ITPKC: variants seen among roughly 807,000 people sequenced by gnomAD.
ITPKC encodes IP3 3-kinase C.
In ITPKC, 33 loss-of-function variants were observed where a neutral mutation model predicts 67.1. That is an observed-to-expected ratio of 0.49 (90% CI 0.37 to 0.66). The LOEUF (loss-of-function observed/expected upper bound fraction) is 0.66. ITPKC is among the 30% of genes least tolerant of loss of function. The probability of loss-of-function intolerance (pLI) is 0.00; values close to 1 mark genes in which losing one functional copy is unlikely to be tolerated. For missense variants in ITPKC, 820 were observed against 892.1 expected (o/e 0.92, Z 1.03); for synonymous variants, 341 against 359.8 (o/e 0.95, Z 0.59).
chr19:40,719,053 G>GGAGAGCCTCACGTGGGGCTCC (rs1312160298), intron 1 of ITPKC, among the ~76,000 whole-genome samples: 1 of 152,196 alleles, frequency 6.6e-6, no homozygotes, highest in African/African-American at 2.4e-5. Flanking sequence ...GTGTGAAACT[G>GGAGAGCCTCACGTGGGGCTCC]GAGAGCCTCA....
In ITPKC at chr19:40,737,729, G is replaced by A. The variant is rs143402835; in HGVS notation, c.1808G>A (p.Arg603His). ...TACGTGGCATGCCTAGAAGAACTTC[G>A]TGAAGCTCTGGAGATCTCCCCCTTC... ...QKYVACLEEL[R>H]EALEISPFFK... Residue 603 changes from arginine to histidine, a missense_variant, in exon 6 of 7, where the codon CGT becomes CAT. Arg to His is a conservative substitution (Grantham distance 29). Coordinates refer to ENST00000263370, the MANE Select transcript of ITPKC (RefSeq NM_025194.3). The A allele has an allele frequency of 2.7e-5, 43 of 1,614,028 alleles. No individual in the cohort carries two copies. In the Admixed American group the frequency reaches 4.5e-4, roughly 17 times the overall value.
At chr19:40,732,258 A>AG (rs1322570157) in intron 3 of ITPKC, among the ~76,000 whole-genome samples, 20 of 146,954 alleles carry the variant, frequency 1.4e-4, no homozygotes, top group Non-Finnish European at 2.7e-4. Flanking sequence ...AAAAAAAAAA[A>AG]GGCTGGGCGT....
rs186102180 is a variant in ITPKC, at chr19:40,739,446, C to T, written c.1938C>T (p.Pro646=). ...ACTTCGGCAAGACGGTGGCCTTGCCCGACCACCAGACGCTCAGCCACAGGC... is the reference window on the plus strand; with the variant it reads ...ACTTCGGCAAGACGGTGGCCTTGCCTGACCACCAGACGCTCAGCCACAGGC... ...MIDFGKTVAL[P]DHQTLSHRLP... is the part of the protein sequence containing the mutation. Residue 646 remains proline (P), a synonymous_variant, in exon 7 of 7, where the codon CCC becomes CCT. Coordinates refer to ENST00000263370, the MANE Select transcript of ITPKC (RefSeq NM_025194.3). 8.3e-5 allele frequency: 134 copies of T among 1,613,498 alleles called. 1 individual carries two copies. The highest frequency in any genetic ancestry group is 7.3e-4 in the African/African-American group (55 of 75,056).
chr19:40,731,364 A>G (rs2082269891), intron 3 of ITPKC, among the ~76,000 whole-genome samples: 1 of 152,242 alleles, frequency 6.6e-6, no homozygotes, highest in South Asian at 2.1e-4. Flanking sequence ...GACCTGAGGT[A>G]GAAGAGTTTC....
intron 5 of ITPKC, among the ~76,000 whole-genome samples, 179 bp from the exon 6 acceptor site, chr19:40,737,519 A>G (rs1178212407): frequency 6.6e-6 from 1 of 152,176 alleles, no homozygotes; most frequent in East Asian, 1.9e-4. Context: ...ACTCTTCTCC[A>G]TGCCACCTTG....
intron 4 of ITPKC, among the ~76,000 whole-genome samples, chr19:40,735,874 C>T (rs946303034): frequency 1.3e-5 from 2 of 152,190 alleles, no homozygotes; most frequent in African/African-American, 4.8e-5. Context: ...GTGCATCCTA[C>T]ACACCTGGTT....
chr19:40,730,498 T>A (rs2144746284), intron 3 of ITPKC, among the ~76,000 whole-genome samples: 1 of 152,318 alleles, frequency 6.6e-6, no homozygotes, highest in Middle Eastern at 3.4e-3. Flanking sequence ...GGAGCATGAT[T>A]ATAGCTCACA....
At chr19:40,720,056 C>A (rs1385424500) in intron 1 of ITPKC, among the ~76,000 whole-genome samples, 1 of 151,728 alleles carries the variant, frequency 6.6e-6, no homozygotes, top group Non-Finnish European at 1.5e-5. Flanking sequence ...TATGACAGCA[C>A]TGAGATTGTC....
intron 3 of ITPKC, 81 bp from the exon 4 acceptor site, chr19:40,733,079 C>A: frequency 1.6e-6 from 2 of 1,234,666 alleles, no homozygotes; most frequent in Non-Finnish European, 2.3e-6. Flanking sequence ...CACACTGTGG[C>A]TTTATGTCTT....
At chr19:40,724,997 T>C (rs1012164703) in intron 1 of ITPKC, among the ~76,000 whole-genome samples, 1 of 148,750 alleles carries the variant, frequency 6.7e-6, no homozygotes, top group Non-Finnish European at 1.5e-5. Flanking sequence ...CAGTGGAAGA[T>C]GTAAGGGTTG....
rs76068973 is a variant in ITPKC at position 40,735,349 on chromosome 19, T to C, written c.1675-1637T>C. Among the ~76,000 whole-genome samples the C allele has an allele frequency of 7.3e-3, 1,116 of 152,086 alleles. 17 individuals carry two copies. The highest frequency in any genetic ancestry group is 0.026 in the African/African-American group (1,062 of 41,504). ...GCCAGGAATGCTCTTCTATTTTTTT[T>C]TTTTTTGAGACAGGGTCTCACTCTG... On this transcript the variant is annotated intron_variant, in intron 4 of 6. Transcript: ENST00000263370.
chr19:40,737,859 T>C, intron 6 of ITPKC, 90 bp downstream of exon 6: 2 of 1,130,320 alleles, frequency 1.8e-6, no homozygotes, highest in Non-Finnish European at 2.7e-6. Context: ...AGGTCAAAGA[T>C]ATAAAAAGGG....
chr19:40,718,172 C>T lies in ITPKC; in HGVS notation c.1037C>T (p.Pro346Leu). 1 of 1,591,136 alleles carries T rather than the reference C, an allele frequency of 6.3e-7. No homozygotes were observed. Among genetic ancestry groups the T allele is most frequent in the Non-Finnish European group, 8.6e-7 (1 of 1,169,042 alleles). Reference sequence around the variant, plus strand: ...GAGCCTGAGGCCCAGCCAGTGGGACCCCCCTCCCGGGTTGAGGGGGGCAGC... The same window carrying T: ...GAGCCTGAGGCCCAGCCAGTGGGACTCCCCTCCCGGGTTGAGGGGGGCAGC... ...TPEPEAQPVG[P>L]PSRVEGGSGG... The change falls in exon 1 of 7, where the codon CCC (proline) becomes CTC (leucine). Residue 346 changes from proline to leucine, a missense_variant. Pro to Leu is a moderately conservative substitution (Grantham distance 98). Coordinates refer to ENST00000263370, the MANE Select transcript of ITPKC (RefSeq NM_025194.3).
At chr19:40,718,406 TC>T in intron 1 of ITPKC, 116 bp downstream of exon 1, 1 of 1,337,808 alleles carries the variant, frequency 7.5e-7, no homozygotes, top group Non-Finnish European at 9.9e-7. Flanking sequence ...CAATTTCATC[TC>T]CGGGAACCTC....
chr19:40,728,092 A>C (rs574855076), intron 2 of ITPKC, among the ~76,000 whole-genome samples: 43 of 152,344 alleles, frequency 2.8e-4, no homozygotes, highest in African/African-American at 9.4e-4. Flanking sequence ...CAACTTTGGA[A>C]AATGTAATCC....
chr19:40,738,665 T>C (rs2082306843), intron 6 of ITPKC, among the ~76,000 whole-genome samples: 1 of 152,172 alleles, frequency 6.6e-6, no homozygotes, highest in South Asian at 2.1e-4. Context: ...TGCATTTTGA[T>C]TATGCCTCAC....
rs367578318 is a variant in ITPKC at position 40,739,469 on chromosome 19, G to A, written c.1961G>A (p.Arg654Lys). 6.2e-7 allele frequency: 1 copy of A among 1,613,512 alleles called. No individual in the cohort carries two copies. The highest frequency in any genetic ancestry group is 1.7e-5 in the Admixed American group (1 of 60,000). Reference protein sequence around the residue: ...ALPDHQTLSHRLPWAEGNRED... With the variant: ...ALPDHQTLSHKLPWAEGNRED... The stretch of plus-strand genomic sequence containing the variant: ...CCCGACCACCAGACGCTCAGCCACA[G>A]GCTGCCCTGGGCTGAGGGCAACCGT... The change falls in exon 7 of 7, where the codon AGG (arginine) becomes AAG (lysine). Residue 654 changes from arginine (R) to lysine (K), a missense_variant. Around this residue, in one of 2 missense-constraint regions of ITPKC, gnomAD observed 339 missense variants for 422.0 expected, o/e 0.80. Transcript: ENST00000263370.
At chr19:40,722,558 G>C (rs1283262944) in intron 1 of ITPKC, among the ~76,000 whole-genome samples, 4 of 152,044 alleles carry the variant, frequency 2.6e-5, no homozygotes, top group African/African-American at 9.7e-5. Context: ...CCTGATCCTG[G>C]GGTAGGAGAG....
chr19:40,718,054 G>C lies in ITPKC; in HGVS notation c.919G>C (p.Glu307Gln), dbSNP rs1453177003. 51 of 1,614,052 alleles carry C rather than the reference G, an allele frequency of 3.2e-5. No homozygotes were observed. Among genetic ancestry groups the C allele is most frequent in the Non-Finnish European group, 4.2e-5 (49 of 1,180,038 alleles). The change falls in exon 1 of 7, where the codon GAG becomes CAG. Residue 307 changes from glutamate (E) to glutamine (Q), a missense_variant. Glu to Gln is a conservative substitution (Grantham distance 29, BLOSUM62 2). Transcript: ENST00000263370. ...TGAGGATGGCCCATTAGAGGAACCA[G>C]AGCCTGGAGAATTGCTGACTCACCT... ...EPEDGPLEEPEPGELLTHLYS... is the reference protein window; with the variant it reads ...EPEDGPLEEPQPGELLTHLYS...
Sources: allele counts gnomAD v4.1 joint callset (sites outside exome capture counted in the v4.1 genomes callset), GRCh38; gene constraint gnomAD v4.1.1; regional missense constraint gnomAD v4.1.1; transcripts MANE v1.5; gene names NCBI Gene and HGNC (gene_info 2026-07-23, HGNC 2026-07-21).